Variants in TRPS1 observed in about 807,000 individuals in gnomAD.
The protein encoded by TRPS1 is zinc finger transcription factor Trps1.
A neutral mutation model predicts 101.2 loss-of-function variants in TRPS1; 6 were observed. That is an observed-to-expected ratio of 0.06 (90% confidence interval 0.03 to 0.12). The LOEUF (loss-of-function observed/expected upper bound fraction) is 0.12, where lower values mean the gene tolerates loss of function less well. Among genes scored for constraint, TRPS1 ranks in the 10% least tolerant of loss-of-function variants. TRPS1 has a pLI of 1.00. For synonymous variants in TRPS1, 578 were observed against 589.8 expected (o/e 0.98, Z 0.29); for missense variants, 1,363 against 1,567.0 (o/e 0.87, Z 2.20).
intron 1 of TRPS1, among the ~76,000 whole-genome samples, chr8:115,630,977 T>C (rs529126138): frequency 6.6e-6 from 1 of 152,218 alleles, no homozygotes; most frequent in Non-Finnish European, 1.5e-5. Flanking sequence ...TCAAACATAT[T>C]TGTCTGCCTC....
chr8:115,431,398 T>C (rs1043673940), intron 5 of TRPS1, among the ~76,000 whole-genome samples: 2 of 151,998 alleles, frequency 1.3e-5, no homozygotes, highest in Non-Finnish European at 2.9e-5. Flanking sequence ...ACCCTAAAAC[T>C]CCCTTATATA....
chr8:115,487,227 T>G (rs1814904260), intron 5 of TRPS1, among the ~76,000 whole-genome samples: 1 of 151,850 alleles, frequency 6.6e-6, no homozygotes, highest in Non-Finnish European at 1.5e-5. Flanking sequence ...ACTGAATATT[T>G]GAAGCCCATT....
intron 5 of TRPS1, among the ~76,000 whole-genome samples, chr8:115,523,876 C>T (rs1815929218): frequency 6.6e-6 from 1 of 152,102 alleles, no homozygotes; most frequent in African/African-American, 2.4e-5. Flanking sequence ...GGAAGGCTGA[C>T]AAGGTTACTG....
intron 1 of TRPS1, among the ~76,000 whole-genome samples, chr8:115,639,472 A>G (rs1818845951): frequency 1.3e-5 from 2 of 152,178 alleles, no homozygotes; most frequent in South Asian, 2.1e-4. Context: ...TTTCAAAATC[A>G]TTGACTCTTA....
intron 5 of TRPS1, among the ~76,000 whole-genome samples, chr8:115,451,703 C>T (rs1370250203): frequency 6.6e-6 from 1 of 152,168 alleles, no homozygotes; most frequent in African/African-American, 2.4e-5. Context: ...GCACAAGATA[C>T]CCTTTGCAGA....
intron 1 of TRPS1, among the ~76,000 whole-genome samples, chr8:115,646,524 A>G (rs531792573): frequency 9.8e-5 from 15 of 152,324 alleles, no homozygotes; most frequent in African/African-American, 3.6e-4. Context: ...AAAATAAAAC[A>G]AAAAGTTTAG....
intron 5 of TRPS1, among the ~76,000 whole-genome samples, chr8:115,566,011 T>C (rs578127361): frequency 6.6e-6 from 1 of 152,296 alleles, no homozygotes; most frequent in East Asian, 1.9e-4. Context: ...TCATGTAAGT[T>C]ATCCTCATAC....
chr8:115,471,944 G>A (rs1181113108), intron 5 of TRPS1, among the ~76,000 whole-genome samples: 1 of 152,198 alleles, frequency 6.6e-6, no homozygotes, highest in East Asian at 1.9e-4. Flanking sequence ...GGTTTGCAGG[G>A]TACAGCTCTG....
At chr8:115,509,834 A>G (rs1046871830) in intron 5 of TRPS1, 2 of 151,902 alleles carry the variant, frequency 1.3e-5, no homozygotes, top group African/African-American at 2.4e-5. Context: ...TTTATCTCCA[A>G]TGCCTAGGCC....
At chr8:115,653,268 G>T (rs1811604835) in intron 1 of TRPS1, among the ~76,000 whole-genome samples, 1 of 151,994 alleles carries the variant, frequency 6.6e-6, no homozygotes, top group Non-Finnish European at 1.5e-5. Flanking sequence ...GTTCTATAAG[G>T]TATACAATGA....
intron 5 of TRPS1, among the ~76,000 whole-genome samples, chr8:115,487,575 G>T (rs1011006503): frequency 6.6e-6 from 1 of 152,180 alleles, no homozygotes; most frequent in African/African-American, 2.4e-5. Flanking sequence ...GTGGGAGGAG[G>T]TTAAAATATT....
At chr8:115,589,642 C>A (rs185226874) in intron 4 of TRPS1, among the ~76,000 whole-genome samples, 1 of 152,126 alleles carries the variant, frequency 6.6e-6, no homozygotes, top group Non-Finnish European at 1.5e-5. Context: ...TTAATTCCCT[C>A]AAGTGGAAAC....
intron 5 of TRPS1, among the ~76,000 whole-genome samples, chr8:115,458,955 A>C (rs577709793): frequency 2.0e-4 from 30 of 152,368 alleles, no homozygotes; most frequent in South Asian, 6.2e-4. Context: ...ATATGATTAA[A>C]TAGCTATTTT....
At chr8:115,634,748 A>G (rs1218032573) in intron 1 of TRPS1, among the ~76,000 whole-genome samples, 1 of 152,146 alleles carries the variant, frequency 6.6e-6, no homozygotes, top group Non-Finnish European at 1.5e-5. Context: ...CTGTTGTAAC[A>G]TTAAGAATGC....
intron 5 of TRPS1, among the ~76,000 whole-genome samples, chr8:115,522,823 G>A (rs1199222173): frequency 6.6e-6 from 1 of 152,082 alleles, no homozygotes; most frequent in African/African-American, 2.4e-5. Context: ...TTTACCTTCT[G>A]TAATAAATTC....
Position 115,414,469 on chromosome 8 carries a change from G to A in TRPS1, c.3439C>T (p.Leu1147=), listed in dbSNP as rs1812864334. ...ACATAGTTTTGGCAAGGATTTGGTA[G>A]GCCAGGCACGTGACTCAAGTAGTGC... ...NPHYLSHVPG[L]PNPCQNYVPY... is the part of the protein sequence containing the mutation. The change falls in exon 7 of 7, where the codon CTA becomes TTA. Residue 1147 remains leucine (L), a synonymous_variant. Transcript: ENST00000395715. This position sits in a 1 kb window ranked among gnomAD's most constrained non-coding sequence, Gnocchi z 4.8. 1.2e-6 allele frequency: 2 copies of A among 1,613,852 alleles called. No individual in the cohort carries two copies. Among genetic ancestry groups the A allele is most frequent in the African/African-American group, 1.3e-5 (1 of 74,894 alleles).
intron 6 of TRPS1, among the ~76,000 whole-genome samples, chr8:115,417,455 C>T (rs958743127): frequency 3.9e-5 from 6 of 151,934 alleles, no homozygotes; most frequent in Admixed American, 1.3e-4. Flanking sequence ...TATGGTAAAA[C>T]GCCAAACGAA....
intron 5 of TRPS1, among the ~76,000 whole-genome samples, chr8:115,546,611 C>CAG (rs1816579885): frequency 6.6e-6 from 1 of 151,596 alleles, no homozygotes; most frequent in South Asian, 2.1e-4. Context: ...CACACACACA[C>CAG]AGAGCCACGG....
chr8:115,533,544 T>C (rs993704879), intron 5 of TRPS1, among the ~76,000 whole-genome samples: 1 of 146,580 alleles, frequency 6.8e-6, no homozygotes, highest in Non-Finnish European at 1.5e-5. Context: ...AGGGATTAAA[T>C]AACATAAAGG....
Sources: gnomAD v4.1 joint callset for allele counts (sites outside exome capture counted in the v4.1 genomes callset) on GRCh38, gnomAD v4.1.1 for gene constraint, Gnocchi (gnomAD v3.1) non-coding constraint, MANE v1.5 for transcripts, NCBI Gene and HGNC (gene_info 2026-07-23, HGNC 2026-07-21) for gene names.